Variants in SPOCK1 observed in about 807,000 individuals in gnomAD.
SPOCK1 encodes the protein SPARC (osteonectin), cwcv and kazal like domains proteoglycan 1.
Under a neutral mutation model 55.3 loss-of-function variants are expected in SPOCK1, and 23 were observed. That is an observed-to-expected ratio of 0.42 (90% CI 0.30 to 0.59). SPOCK1 has a LOEUF of 0.59. Ranked by LOEUF, SPOCK1 falls within the 20% of genes least tolerant of loss-of-function variation. The pLI is 0.22. For synonymous variants in SPOCK1, 226 were observed against 221.0 expected (o/e 1.02, Z -0.20); for missense variants, 499 against 552.5 (o/e 0.90, Z 0.97).
chr5:137,131,989 AAT>A (rs869252723), intron 4 of SPOCK1, among the ~76,000 whole-genome samples: 1,696 of 35,882 alleles, frequency 0.047, 151 homozygotes, highest in East Asian at 0.1. Flanking sequence ...AAAAAAAAAA[AAT>A]ATATATATAT....
intron 3 of SPOCK1, among the ~76,000 whole-genome samples, chr5:137,179,752 A>G (rs777775495): frequency 1.4e-4 from 21 of 152,114 alleles, no homozygotes; most frequent in Non-Finnish European, 2.4e-4. Flanking sequence ...CAGTCATGAG[A>G]CTTGGGGCAG....
At chr5:137,139,558 G>A (rs763346832) in intron 4 of SPOCK1, among the ~76,000 whole-genome samples, 16 of 152,188 alleles carry the variant, frequency 1.1e-4, no homozygotes, top group South Asian at 2.1e-4. Flanking sequence ...AAAAGTTCTC[G>A]GTGGGGAGCC....
At chr5:137,170,527 G>C (rs1754734938) in intron 3 of SPOCK1, among the ~76,000 whole-genome samples, 1 of 152,056 alleles carries the variant, frequency 6.6e-6, no homozygotes, top group Admixed American at 6.6e-5. Flanking sequence ...ATGAAGTAGA[G>C]CTACCATGAT....
intron 2 of SPOCK1, among the ~76,000 whole-genome samples, chr5:137,386,427 ACAGT>A (rs3043299): frequency 0.29 from 44,773 of 151,914 alleles, 6,882 homozygotes; most frequent in Admixed American, 0.41. Flanking sequence ...ATTGAAGAAC[ACAGT>A]CAGAGGACTG....
intron 3 of SPOCK1, among the ~76,000 whole-genome samples, chr5:137,180,607 T>C (rs1333561979): frequency 6.6e-6 from 1 of 152,156 alleles, no homozygotes; most frequent in African/African-American, 2.4e-5. Context: ...GGTCGTTTGA[T>C]TCCTTGGGAC....
intron 3 of SPOCK1, among the ~76,000 whole-genome samples, chr5:137,158,284 T>C (rs990467935): frequency 6.6e-6 from 1 of 152,200 alleles, no homozygotes; most frequent in Non-Finnish European, 1.5e-5. Flanking sequence ...TCCTGCTGTC[T>C]AGCCTTTTGG....
At chr5:137,420,416 C>G (rs1394558378) in intron 2 of SPOCK1, among the ~76,000 whole-genome samples, 2 of 152,246 alleles carry the variant, frequency 1.3e-5, no homozygotes, top group East Asian at 3.9e-4. Flanking sequence ...GCTGTGAATC[C>G]ATCTGGTCCT....
chr5:137,140,549 C>A, intron 4 of SPOCK1, 31 bp downstream of exon 4: 1 of 1,580,804 alleles, frequency 6.3e-7, no homozygotes, highest in Non-Finnish European at 8.6e-7. Context: ...GAATGCCTCC[C>A]AGCCCCCAGC....
intron 2 of SPOCK1, among the ~76,000 whole-genome samples, chr5:137,362,984 G>A (rs559735425): frequency 8.1e-4 from 123 of 152,340 alleles, no homozygotes; most frequent in African/African-American, 2.9e-3. Context: ...CCCTAGGTTA[G>A]TTTGACTCCA....
chr5:137,000,007 T>C (rs1751119294), intron 6 of SPOCK1, among the ~76,000 whole-genome samples: 1 of 152,134 alleles, frequency 6.6e-6, no homozygotes, highest in Non-Finnish European at 1.5e-5. Flanking sequence ...AGCCCCCCTC[T>C]CTCAGGCAAA....
intron 2 of SPOCK1, among the ~76,000 whole-genome samples, chr5:137,473,483 C>A (rs1753777273): frequency 6.6e-6 from 1 of 152,098 alleles, no homozygotes. Context: ...ATGGTTCCCA[C>A]AGTGGGCAGG....
intron 2 of SPOCK1, among the ~76,000 whole-genome samples, chr5:137,398,745 T>C (rs1436956145): frequency 6.6e-6 from 1 of 152,248 alleles, no homozygotes; most frequent in African/African-American, 2.4e-5. Context: ...AATTTCTTCC[T>C]AGTTAAGTGA....
At chr5:137,443,496 C>T (rs1222651361) in intron 2 of SPOCK1, among the ~76,000 whole-genome samples, 2 of 152,322 alleles carry the variant, frequency 1.3e-5, no homozygotes, top group East Asian at 3.9e-4. Context: ...TCACCCACAA[C>T]CGAATGACTT....
chr5:137,401,462 C>T (rs1751975310), intron 2 of SPOCK1, among the ~76,000 whole-genome samples: 1 of 148,322 alleles, frequency 6.7e-6, no homozygotes, highest in South Asian at 2.1e-4. Context: ...TGTCTCATGC[C>T]TGTAACCCCA....
intron 3 of SPOCK1, among the ~76,000 whole-genome samples, chr5:137,141,881 G>T (rs961623136): frequency 1.5e-4 from 23 of 152,138 alleles, no homozygotes; most frequent in African/African-American, 5.6e-4. Flanking sequence ...TCCAGAAAGG[G>T]TCTCCAAAGA....
At chr5:137,179,758 G>T (rs1754932046) in intron 3 of SPOCK1, among the ~76,000 whole-genome samples, 1 of 152,108 alleles carries the variant, frequency 6.6e-6, no homozygotes, top group Non-Finnish European at 1.5e-5. Context: ...TGAGACTTGG[G>T]GCAGTCCCCT....
At chr5:137,104,702 C>G (rs1454280707) in intron 5 of SPOCK1, among the ~76,000 whole-genome samples, 1 of 152,162 alleles carries the variant, frequency 6.6e-6, no homozygotes, top group Non-Finnish European at 1.5e-5. Flanking sequence ...GTTGCATGCT[C>G]TTTATGAGAA....
At chr5:137,446,520 G>A (rs1381057398) in intron 2 of SPOCK1, among the ~76,000 whole-genome samples, 1 of 152,186 alleles carries the variant, frequency 6.6e-6, no homozygotes, top group East Asian at 1.9e-4. Context: ...CCTGGATTCT[G>A]AGGAATTCCC....
chr5:137,196,721 T>A lies in SPOCK1; in HGVS notation c.233-56027A>T, dbSNP rs556259438. On this transcript the variant is annotated intron_variant, in intron 3 of 10. Transcript: ENST00000394945. ...ACTTGACACATATCACTGTTTAAAATTTACATTTATTTATGTGATCATTTG... is the reference window on the plus strand; with the variant it reads ...ACTTGACACATATCACTGTTTAAAAATTACATTTATTTATGTGATCATTTG... Among the ~76,000 whole-genome samples the A allele has an allele frequency of 1.1e-3, 160 of 152,330 alleles. 1 individual carries two copies. Among genetic ancestry groups the A allele is most frequent in the African/African-American group, 3.7e-3 (155 of 41,572 alleles).
Sources: gnomAD v4.1 joint callset for allele counts (sites outside exome capture counted in the v4.1 genomes callset) on GRCh38, gnomAD v4.1.1 for gene constraint, MANE v1.5 for transcripts, NCBI Gene and HGNC (gene_info 2026-07-23, HGNC 2026-07-21) for gene names.